Variants in TTLL11 observed in about 807,000 individuals in gnomAD.
TTLL11 encodes tubulin tyrosine ligase like 11.
In TTLL11, 42 loss-of-function variants were observed where a neutral mutation model predicts 51.7. The observed-to-expected ratio is 0.81, with a 90% confidence interval of 0.64 to 1.05. The LOEUF is 1.05. Ranked by LOEUF, TTLL11 falls within the 50% of genes least tolerant of loss-of-function variation. The probability of loss-of-function intolerance (pLI) is 0.00; values close to 1 mark genes in which losing one functional copy is unlikely to be tolerated. For synonymous variants in TTLL11, 381 were observed against 383.5 expected (o/e 0.99, Z 0.08); for missense variants, 799 against 940.4 (o/e 0.85, Z 1.97).
At chr9:121,851,377 C>T (rs1156764083) in intron 8 of TTLL11, among the ~76,000 whole-genome samples, 1 of 152,198 alleles carries the variant, frequency 6.6e-6, no homozygotes, top group Non-Finnish European at 1.5e-5. Context: ...ACAGCACAAT[C>T]ATGCAAGATG....
chr9:121,893,663 T>G (rs1254462230), intron 6 of TTLL11, among the ~76,000 whole-genome samples: 12 of 152,136 alleles, frequency 7.9e-5, no homozygotes, highest in African/African-American at 2.9e-4. Flanking sequence ...CTACGTCTGC[T>G]ATCCCATTCC....
At chr9:121,869,500 G>A (rs779814459) in intron 7 of TTLL11, among the ~76,000 whole-genome samples, 5 of 152,130 alleles carry the variant, frequency 3.3e-5, no homozygotes, top group Non-Finnish European at 5.9e-5. Flanking sequence ...CACTGTTGTC[G>A]CCCATTCATA....
At chr9:121,893,676 T>G (rs1410750386) in intron 6 of TTLL11, among the ~76,000 whole-genome samples, 1 of 152,154 alleles carries the variant, frequency 6.6e-6, no homozygotes, top group African/African-American at 2.4e-5. Context: ...CCCATTCCTC[T>G]GCCTGTATCT....
chr9:121,895,642 A>AGT (rs530405671), intron 6 of TTLL11, among the ~76,000 whole-genome samples: 1 of 100,766 alleles, frequency 9.9e-6, no homozygotes, highest in African/African-American at 3.9e-5. Flanking sequence ...TGTGCTTATG[A>AGT]GTGTGTGTGT....
chr9:122,041,217 T>C (rs1844837487), intron 1 of TTLL11, among the ~76,000 whole-genome samples: 1 of 152,232 alleles, frequency 6.6e-6, no homozygotes. Context: ...GACTAGGTGC[T>C]AGGAATATGG....
At chr9:122,016,123 G>C (rs930411314) in intron 3 of TTLL11, among the ~76,000 whole-genome samples, 1 of 152,170 alleles carries the variant, frequency 6.6e-6, no homozygotes, top group Non-Finnish European at 1.5e-5. Flanking sequence ...AAGCTAAGCA[G>C]GGGGTCCGAA....
intron 1 of TTLL11, among the ~76,000 whole-genome samples, chr9:122,054,470 G>A (rs1262950680): frequency 6.6e-6 from 1 of 152,068 alleles, no homozygotes; most frequent in Non-Finnish European, 1.5e-5. Context: ...CTTCTAAAGC[G>A]ATTTACCTCT....
At chr9:121,839,095 G>A (rs2131352916) in intron 8 of TTLL11, among the ~76,000 whole-genome samples, 1 of 152,324 alleles carries the variant, frequency 6.6e-6, no homozygotes, top group South Asian at 2.1e-4. Context: ...TACCTTCACT[G>A]ACACATCTCT....
chr9:121,863,836 C>A (rs1838095937), intron 7 of TTLL11, among the ~76,000 whole-genome samples: 1 of 152,152 alleles, frequency 6.6e-6, no homozygotes, highest in Admixed American at 6.5e-5. Flanking sequence ...GTGACTTGCC[C>A]AACGTCACAC....
chr9:122,083,888 G>C (rs566970194), intron 1 of TTLL11, among the ~76,000 whole-genome samples: 30 of 152,274 alleles, frequency 2.0e-4, no homozygotes, highest in Admixed American at 6.5e-4. Flanking sequence ...GAATTAGAGG[G>C]GAGGATGGAA....
rs149270538 is a variant in TTLL11 at position 121,926,030 on chromosome 9, T to C, written c.1481+47979A>G. Among the ~76,000 whole-genome samples, 119 of 152,346 alleles carry C rather than the reference T, an allele frequency of 7.8e-4. 2 individuals carry two copies. In the East Asian group the frequency reaches 0.021, roughly 27 times the overall value. ...AGGTTCTGTGTTCCTCTCAAAAAGA[T>C]ACCAGTTTACGCGTGTGAAGGCTCG... On this transcript the variant is annotated intron_variant, in intron 6 of 8. Coordinates refer to ENST00000321582, the MANE Select transcript of TTLL11 (RefSeq NM_001139442.2).
At chr9:121,944,444 G>T (rs1841595482) in intron 6 of TTLL11, among the ~76,000 whole-genome samples, 1 of 151,862 alleles carries the variant, frequency 6.6e-6, no homozygotes, top group Non-Finnish European at 1.5e-5. Flanking sequence ...GGGGGCGGAG[G>T]TTGCAGTGAG....
intron 8 of TTLL11, among the ~76,000 whole-genome samples, chr9:121,846,818 G>C (rs1389460337): frequency 2.0e-5 from 3 of 152,136 alleles, no homozygotes; most frequent in Non-Finnish European, 2.9e-5. Context: ...CAATAGATTA[G>C]ACAAGAAGAA....
intron 1 of TTLL11, among the ~76,000 whole-genome samples, chr9:122,048,958 G>C (rs1432677457): frequency 6.6e-6 from 1 of 151,698 alleles, no homozygotes; most frequent in Non-Finnish European, 1.5e-5. Context: ...CACCCTGTAG[G>C]CTTTGTTTTT....
At chr9:121,850,132 G>A (rs1837626030) in intron 8 of TTLL11, among the ~76,000 whole-genome samples, 1 of 150,320 alleles carries the variant, frequency 6.7e-6, no homozygotes, top group African/African-American at 2.5e-5. Flanking sequence ...TGGAATGCAT[G>A]GATATGGAAG....
chr9:122,068,457 G>A (rs1168078791), intron 1 of TTLL11, among the ~76,000 whole-genome samples: 2 of 152,072 alleles, frequency 1.3e-5, no homozygotes, highest in Non-Finnish European at 2.9e-5. Context: ...AAAGATAAAA[G>A]TCCACATAGT....
chr9:122,029,193 T>A (rs1844447781), intron 3 of TTLL11, among the ~76,000 whole-genome samples: 1 of 152,228 alleles, frequency 6.6e-6, no homozygotes, highest in South Asian at 2.1e-4. Flanking sequence ...TTGATAATGA[T>A]AATAAACTAC....
intron 1 of TTLL11, among the ~76,000 whole-genome samples, chr9:122,078,400 A>G (rs1227379660): frequency 6.6e-6 from 1 of 152,172 alleles, no homozygotes; most frequent in Non-Finnish European, 1.5e-5. Context: ...GTAAAACTTA[A>G]TTCTTGAAGG....
chr9:121,883,958 G>A (rs1252295142), intron 6 of TTLL11, among the ~76,000 whole-genome samples: 1 of 152,212 alleles, frequency 6.6e-6, no homozygotes, highest in Non-Finnish European at 1.5e-5. Context: ...ACCTTACTGA[G>A]CATCAGTTTC....
Sources: allele counts gnomAD v4.1 joint callset (sites outside exome capture counted in the v4.1 genomes callset), GRCh38; gene constraint gnomAD v4.1.1; transcripts MANE v1.5; gene names NCBI Gene and HGNC (gene_info 2026-07-23, HGNC 2026-07-21).